CNTNAP2: variants seen among roughly 807,000 people sequenced by gnomAD.
CNTNAP2 encodes the protein contactin associated protein 2, also known as contactin-associated protein-like 2.
A neutral mutation model predicts 155.2 loss-of-function variants in CNTNAP2; 98 were observed. That is an observed-to-expected ratio of 0.63 (90% confidence interval 0.54 to 0.75). The LOEUF is 0.75. CNTNAP2 is among the 30% of genes least tolerant of loss of function. The probability of loss-of-function intolerance (pLI) is 0.00; values close to 1 mark genes in which losing one functional copy is unlikely to be tolerated. For missense variants in CNTNAP2, 1,727 were observed against 1,688.1 expected (o/e 1.02, Z -0.40); for synonymous variants, 651 against 631.2 (o/e 1.03, Z -0.47).
At chr7:147,245,006 A>C (rs933505269) in intron 8 of CNTNAP2, among the ~76,000 whole-genome samples, 1 of 152,160 alleles carries the variant, frequency 6.6e-6, no homozygotes, top group African/African-American at 2.4e-5. Flanking sequence ...AAGGCACTGA[A>C]AACGAAATTT....
intron 13 of CNTNAP2, among the ~76,000 whole-genome samples, chr7:147,641,439 A>G (rs993468632): frequency 2.6e-5 from 4 of 152,138 alleles, no homozygotes; most frequent in Admixed American, 1.3e-4. Context: ...AGTGGGCATT[A>G]CAATACCTGG....
intron 14 of CNTNAP2, among the ~76,000 whole-genome samples, chr7:147,967,965 T>C (rs942894468): frequency 9.2e-5 from 14 of 152,144 alleles, no homozygotes; most frequent in African/African-American, 3.4e-4. Context: ...GAAAGGCTTG[T>C]TGTTGGGTTT....
chr7:148,172,680 T>A (rs1794843981), intron 18 of CNTNAP2, among the ~76,000 whole-genome samples: 1 of 152,170 alleles, frequency 6.6e-6, no homozygotes, highest in South Asian at 2.1e-4. Flanking sequence ...AGAAGCTCTG[T>A]GTATGGTGCA....
At chr7:147,844,868 T>G (rs1439776820) in intron 13 of CNTNAP2, among the ~76,000 whole-genome samples, 2 of 124,990 alleles carry the variant, frequency 1.6e-5, no homozygotes, top group African/African-American at 5.9e-5. Flanking sequence ...GGTTTTTGTC[T>G]TTGGCTCTGT....
At chr7:147,319,585 C>T (rs1436661566) in intron 9 of CNTNAP2, among the ~76,000 whole-genome samples, 1 of 152,214 alleles carries the variant, frequency 6.6e-6, no homozygotes, top group East Asian at 1.9e-4. Flanking sequence ...ACCATGTCGG[C>T]CAGGCTTGTT....
At chr7:147,571,795 C>G (rs1170461715) in intron 12 of CNTNAP2, among the ~76,000 whole-genome samples, 1 of 152,018 alleles carries the variant, frequency 6.6e-6, no homozygotes, top group Non-Finnish European at 1.5e-5. Flanking sequence ...TACTGGCTTC[C>G]TCCATTATAT....
At chr7:147,142,137 T>A (rs1801610715) in intron 8 of CNTNAP2, among the ~76,000 whole-genome samples, 1 of 152,166 alleles carries the variant, frequency 6.6e-6, no homozygotes, top group South Asian at 2.1e-4. Context: ...AGAGAGGGTA[T>A]CCCTGTCTTG....
chr7:146,401,719 A>G (rs1718073), intron 1 of CNTNAP2, among the ~76,000 whole-genome samples: 19,003 of 152,150 alleles, frequency 0.12, 1,641 homozygotes, highest in African/African-American at 0.24. Context: ...TTTTCATTCC[A>G]TGAAATTTTG....
At chr7:147,116,786 A>C (rs1338031982) in intron 5 of CNTNAP2, among the ~76,000 whole-genome samples, 1 of 152,142 alleles carries the variant, frequency 6.6e-6, no homozygotes, top group Non-Finnish European at 1.5e-5. Flanking sequence ...CCCAGCTGGG[A>C]GGTCCCACCC....
At chr7:147,454,127 A>G (rs1563210032) in intron 10 of CNTNAP2, among the ~76,000 whole-genome samples, 2 of 152,328 alleles carry the variant, frequency 1.3e-5, no homozygotes, top group South Asian at 2.1e-4. Flanking sequence ...TTAATTCAAT[A>G]AATGTTTCCT....
At chr7:148,325,520 C>G (rs1437767162) in intron 21 of CNTNAP2, among the ~76,000 whole-genome samples, 1 of 152,246 alleles carries the variant, frequency 6.6e-6, no homozygotes, top group Non-Finnish European at 1.5e-5. Flanking sequence ...AAGCTACTCT[C>G]AGTTCCAATA....
At position 147,974,136 on chromosome 7, in the gene CNTNAP2, A is replaced by G. The variant is rs140059617; in HGVS notation, c.2256-3726A>G. Among the ~76,000 whole-genome samples, 722 of 152,320 alleles carry G rather than the reference A, an allele frequency of 4.7e-3. 8 individuals carry two copies. Among genetic ancestry groups the G allele is most frequent in the African/African-American group, 0.017 (706 of 41,576 alleles). On this transcript the variant is annotated intron_variant, in intron 14 of 23. Transcript: ENST00000361727. ...ATAAAATTATTACAAACACTTAAAA[A>G]TTATATTTCCAAATTATGAGAGTGT...
chr7:146,992,932 C>T (rs1424226131), intron 3 of CNTNAP2, among the ~76,000 whole-genome samples: 3 of 152,044 alleles, frequency 2.0e-5, no homozygotes, highest in East Asian at 1.9e-4. Flanking sequence ...CTAGTGAATC[C>T]GTTTTCTTAT....
At chr7:147,725,883 T>G (rs758047533) in intron 13 of CNTNAP2, among the ~76,000 whole-genome samples, 12 of 151,882 alleles carry the variant, frequency 7.9e-5, no homozygotes, top group Non-Finnish European at 1.8e-4. Flanking sequence ...TAGGAGGAGG[T>G]GGCTTTTAGT....
intron 4 of CNTNAP2, among the ~76,000 whole-genome samples, chr7:147,045,010 G>C (rs1799329347): frequency 6.6e-6 from 1 of 152,092 alleles, no homozygotes; most frequent in South Asian, 2.1e-4. Context: ...TTCTTTATGA[G>C]ACTGCTAGAT....
intron 1 of CNTNAP2, among the ~76,000 whole-genome samples, chr7:146,756,186 A>G (rs960363): frequency 0.045 from 6,844 of 152,088 alleles, 179 homozygotes; most frequent in East Asian, 0.096. Context: ...ATTTTTGCAC[A>G]TACCTTATAG....
chr7:146,634,872 T>TA (rs369446434), intron 1 of CNTNAP2, among the ~76,000 whole-genome samples: 44 of 152,264 alleles, frequency 2.9e-4, no homozygotes, highest in Middle Eastern at 3.4e-3. Flanking sequence ...CAATGGCACT[T>TA]AAATTTAACA....
At chr7:146,858,144 T>C (rs989123163) in intron 3 of CNTNAP2, among the ~76,000 whole-genome samples, 1 of 152,178 alleles carries the variant, frequency 6.6e-6, no homozygotes, top group African/African-American at 2.4e-5. Flanking sequence ...TCTGCTAAGA[T>C]CTACGGTGGC....
intron 1 of CNTNAP2, among the ~76,000 whole-genome samples, chr7:146,342,699 C>G (rs1794749942): frequency 6.6e-6 from 1 of 152,054 alleles, no homozygotes; most frequent in Non-Finnish European, 1.5e-5. Context: ...TTGAGTAATG[C>G]TGTGCTAAAT....
Sources: gnomAD v4.1 joint callset for allele counts (sites outside exome capture counted in the v4.1 genomes callset) on GRCh38, gnomAD v4.1.1 for gene constraint, MANE v1.5 for transcripts, NCBI Gene and HGNC (gene_info 2026-07-23, HGNC 2026-07-21) for gene names.